AGBL1: variants seen among roughly 807,000 people sequenced by gnomAD.
AGBL1 encodes the protein AGBL carboxypeptidase 1.
In AGBL1, 130 loss-of-function variants were observed where a neutral mutation model predicts 118.9. That is an observed-to-expected ratio of 1.09 (90% confidence interval 0.95 to 1.26). The LOEUF (loss-of-function observed/expected upper bound fraction) is 1.26, where lower values mean the gene tolerates loss of function less well. Ranked by LOEUF, AGBL1 falls within the 50% of genes most tolerant of loss-of-function variation. The pLI is 0.00. For missense variants in AGBL1, 1,584 were observed against 1,298.1 expected (o/e 1.22, Z -3.38); for synonymous variants, 555 against 478.9 (o/e 1.16, Z -2.08).
At chr15:86,105,688 A>G (rs1480433258) in intron 1 of AGBL1, among the ~76,000 whole-genome samples, 1 of 152,182 alleles carries the variant, frequency 6.6e-6, no homozygotes, top group East Asian at 1.9e-4. Flanking sequence ...ACATCTTTGA[A>G]TACAACCTCT....
chr15:86,710,615 T>G (rs2086539852), intron 22 of AGBL1, among the ~76,000 whole-genome samples: 1 of 152,188 alleles, frequency 6.6e-6, no homozygotes. Flanking sequence ...AGGAAACAAG[T>G]AAATGCAATA....
chr15:86,260,994 T>C (rs1260440165), intron 9 of AGBL1, among the ~76,000 whole-genome samples: 1 of 152,236 alleles, frequency 6.6e-6, no homozygotes, highest in Non-Finnish European at 1.5e-5. Flanking sequence ...AAATGGTCTC[T>C]GTCACAACTA....
intron 17 of AGBL1, among the ~76,000 whole-genome samples, chr15:86,370,301 C>T (rs1222694067): frequency 7.6e-6 from 1 of 131,028 alleles, no homozygotes; most frequent in Non-Finnish European, 1.6e-5. Flanking sequence ...GTCTCTATTC[C>T]TTTTTTTTTT....
At chr15:86,453,817 A>G (rs1478778958) in intron 18 of AGBL1, among the ~76,000 whole-genome samples, 1 of 151,980 alleles carries the variant, frequency 6.6e-6, no homozygotes, top group African/African-American at 2.4e-5. Flanking sequence ...TACCCATTGG[A>G]AAAAAAATAG....
At chr15:86,143,870 C>T in intron 3 of AGBL1, 25 bp downstream of exon 3, 1 of 1,609,888 alleles carries the variant, frequency 6.2e-7, no homozygotes, top group Non-Finnish European at 8.5e-7. Context: ...AGACCTAAAG[C>T]TGACTGAAAA....
chr15:86,189,477 G>T (rs76434445), intron 5 of AGBL1, among the ~76,000 whole-genome samples: 2,121 of 152,304 alleles, frequency 0.014, 18 homozygotes, highest in Non-Finnish European at 0.021. Flanking sequence ...TGGAGGTGGG[G>T]CCTGGTAGGA....
chr15:86,225,367 C>A (rs1165470375), intron 6 of AGBL1, among the ~76,000 whole-genome samples: 5 of 152,138 alleles, frequency 3.3e-5, no homozygotes, highest in Admixed American at 3.3e-4. Context: ...TTTTGGCTGG[C>A]TGGAGAGAAG....
At chr15:86,266,580 G>T (rs866369109) in intron 12 of AGBL1, 123 bp downstream of exon 12, 1 of 730,800 alleles carries the variant, frequency 1.4e-6, no homozygotes, top group Non-Finnish European at 2.2e-6. Context: ...GAAAATCCAG[G>T]TTAAAGATCT....
At chr15:86,137,428 A>G (rs1258349289) in intron 1 of AGBL1, among the ~76,000 whole-genome samples, 1 of 152,120 alleles carries the variant, frequency 6.6e-6, no homozygotes, top group African/African-American at 2.4e-5. Context: ...ATCTGAATTT[A>G]CTAAAAGTGG....
At chr15:86,376,946 A>T (rs1169227282) in intron 17 of AGBL1, among the ~76,000 whole-genome samples, 1 of 152,200 alleles carries the variant, frequency 6.6e-6, no homozygotes, top group African/African-American at 2.4e-5. Flanking sequence ...CACCTTGCAA[A>T]TGGTGGCACA....
At chr15:86,783,937 T>G (rs1324358823) in intron 22 of AGBL1, among the ~76,000 whole-genome samples, 2 of 152,160 alleles carry the variant, frequency 1.3e-5, no homozygotes, top group Non-Finnish European at 2.9e-5. Flanking sequence ...TGCCCCCACT[T>G]TTCTTAAAAA....
At chr15:86,893,182 G>A (rs1269497974) in intron 22 of AGBL1, among the ~76,000 whole-genome samples, 2 of 152,148 alleles carry the variant, frequency 1.3e-5, no homozygotes, top group African/African-American at 2.4e-5. Flanking sequence ...GCTTTTTCAG[G>A]AGGGAGATGG....
At chr15:86,260,165 G>T (rs562250066) in intron 9 of AGBL1, among the ~76,000 whole-genome samples, 13 of 152,338 alleles carry the variant, frequency 8.5e-5, no homozygotes, top group Middle Eastern at 3.4e-3. Context: ...CAAGGAAACT[G>T]CTCCAGAAAA....
chr15:86,595,065 G>T (rs985865477), intron 21 of AGBL1, among the ~76,000 whole-genome samples: 1 of 152,048 alleles, frequency 6.6e-6, no homozygotes, highest in African/African-American at 2.4e-5. Context: ...GACCTCTCTG[G>T]CTGCTATTGT....
Position 86,262,078 on chromosome 15 carries a change from CTT to C in AGBL1, c.970-685_970-684del, listed in dbSNP as rs61365024. ...CACTGCTAGGCCTATGCATAGCTGG[CTT>C]TTTTTTTTTTTTTTGCCATTTAGGT... On this transcript the variant is annotated intron_variant, in intron 9 of 22. Transcript: ENST00000614907. Among the ~76,000 whole-genome samples, 10 of 52,766 alleles carry C rather than the reference CTT, an allele frequency of 1.9e-4. 3 individuals carry two copies. The East Asian group carries it at 3.1e-3, about 17-fold the overall frequency. 34.6% of individuals were successfully genotyped at this position (52,766 alleles called of 152,430 possible). A position where few individuals can be genotyped will look rare whatever the true frequency, so the allele number is the denominator to read the frequency against.
At chr15:86,099,409 T>C (rs959521381) in intron 1 of AGBL1, among the ~76,000 whole-genome samples, 1 of 152,346 alleles carries the variant, frequency 6.6e-6, no homozygotes, top group African/African-American at 2.4e-5. Flanking sequence ...TTTGGTTTTG[T>C]ATCCTGTCAC....
rs2066759171 is a variant in AGBL1 at position 86,615,414 on chromosome 15, G to A, written c.2995-58859G>A. Among the ~76,000 whole-genome samples, 1 of 152,176 alleles carries A rather than the reference G, an allele frequency of 6.6e-6. No individual in the cohort carries two copies. Among genetic ancestry groups the A allele is most frequent in the African/African-American group, 2.4e-5 (1 of 41,438 alleles). ...GTCCAGTGGGATCTGGGGTAAGGAG[G>A]AAGAAGGTAAGATGATTATGAGATT... On this transcript the variant is annotated intron_variant, in intron 21 of 22. Coordinates refer to ENST00000614907, the MANE Select transcript of AGBL1 (RefSeq NM_001386094.1). This position sits in a 1 kb window ranked among gnomAD's most constrained non-coding sequence, Gnocchi z 4.3.
At chr15:86,671,418 G>T (rs1442884728) in intron 21 of AGBL1, among the ~76,000 whole-genome samples, 2 of 152,266 alleles carry the variant, frequency 1.3e-5, no homozygotes, top group East Asian at 3.9e-4. Flanking sequence ...ATCAGACTTT[G>T]TGTTACTGTC....
chr15:86,306,530 A>T (rs1429925790), intron 17 of AGBL1, among the ~76,000 whole-genome samples: 4 of 152,270 alleles, frequency 2.6e-5, no homozygotes, highest in East Asian at 3.9e-4. Context: ...TCCATTATGT[A>T]TATGTAACCA....
Sources: allele counts gnomAD v4.1 joint callset (sites outside exome capture counted in the v4.1 genomes callset), GRCh38; gene constraint gnomAD v4.1.1; non-coding constraint Gnocchi (gnomAD v3.1); transcripts MANE v1.5; gene names NCBI Gene and HGNC (gene_info 2026-07-23, HGNC 2026-07-21).